The following RNF144A variants were observed in gnomAD, a reference collection of about 807,000 sequenced individuals.
RNF144A encodes the protein ring finger protein 144A.
RNF144A carries 11 observed loss-of-function variants against 38.7 expected under a neutral mutation model. The observed-to-expected ratio is 0.28, with a 90% CI of 0.18 to 0.47. RNF144A has a LOEUF of 0.47. RNF144A is among the 20% of genes least tolerant of loss of function. The pLI, the probability that RNF144A is intolerant of heterozygous loss-of-function variation, is 0.99. For missense variants in RNF144A, 316 were observed against 377.2 expected (o/e 0.84, Z 1.34); for synonymous variants, 149 against 143.9 (o/e 1.04, Z -0.25).
At chr2:7,020,267 T>C (rs1671429318) in intron 5 of RNF144A, among the ~76,000 whole-genome samples, 1 of 152,044 alleles carries the variant, frequency 6.6e-6, no homozygotes, top group Non-Finnish European at 1.5e-5. Context: ...TGGAGGTCTG[T>C]TGCATGAAGG....
intron 1 of RNF144A, among the ~76,000 whole-genome samples, chr2:6,935,980 CT>C (rs1665548351): frequency 6.6e-6 from 1 of 152,218 alleles, no homozygotes; most frequent in Non-Finnish European, 1.5e-5. Flanking sequence ...CCATCAGATG[CT>C]TTGGGAGGTA....
At chr2:6,989,490 C>A (rs1446811266) in intron 2 of RNF144A, among the ~76,000 whole-genome samples, 1 of 152,198 alleles carries the variant, frequency 6.6e-6, no homozygotes, top group Non-Finnish European at 1.5e-5. Flanking sequence ...TCGGCCCATT[C>A]CCGAAATCAT....
intron 8 of RNF144A, 103 bp downstream of exon 8, chr2:7,030,318 T>C (rs1031384442): frequency 1.0e-4 from 88 of 845,440 alleles, no homozygotes; most frequent in Admixed American, 7.8e-5. Flanking sequence ...TGTATATCTT[T>C]AGTGTTTCCA....
chr2:7,044,185 C>G, downstream of RNF144A: 1 of 985,508 alleles, frequency 1.0e-6, no homozygotes, highest in Non-Finnish European at 1.2e-6. Flanking sequence ...GTAAACCCCG[C>G]GTGGCTCCGT....
At chr2:6,965,613 C>T (rs560427259) in intron 2 of RNF144A, among the ~76,000 whole-genome samples, 11 of 152,132 alleles carry the variant, frequency 7.2e-5, no homozygotes, top group Middle Eastern at 3.4e-3. Flanking sequence ...GCTGCAGGCC[C>T]GTGTGGTGGC....
chr2:7,070,688 T>C (rs1572508814), downstream of RNF144A, among the ~76,000 whole-genome samples: 1 of 152,114 alleles, frequency 6.6e-6, no homozygotes. Flanking sequence ...CAGAGGCAAG[T>C]GCTATGTAAA....
In RNF144A at chr2:7,042,970, C is replaced by T. The variant is rs139405638; in HGVS notation, c.*3210C>T. 794 of 617,790 alleles carry T rather than the reference C, an allele frequency of 1.3e-3. 12 individuals are homozygous for T. The African/African-American group carries it at 0.014, about 11-fold the overall frequency. 38.3% of individuals were successfully genotyped at this position (617,790 alleles called of 1,614,324 possible). On this transcript the variant is annotated 3_prime_UTR_variant, in exon 9 of 9. Coordinates refer to ENST00000320892, the MANE Select transcript of RNF144A (RefSeq NM_014746.6). The stretch of plus-strand genomic sequence containing the variant: ...GCAAGCTCTGCCTCCCGGGTTCAAG[C>T]GATTCTCCTGCCTCAGCCTCCCAAG...
intron 2 of RNF144A, among the ~76,000 whole-genome samples, chr2:6,949,151 A>G (rs1666519725): frequency 6.6e-6 from 1 of 152,214 alleles, no homozygotes; most frequent in Admixed American, 6.5e-5. Flanking sequence ...ATTATCACCA[A>G]CACTTCCCAG....
At chr2:7,026,566 T>C (rs3771955) in intron 7 of RNF144A, among the ~76,000 whole-genome samples, 19,766 of 151,980 alleles carry the variant, frequency 0.13, 2,046 homozygotes, top group East Asian at 0.56. Context: ...GCCTGCAATT[T>C]ATTACTCTTT....
At chr2:6,931,981 T>C (rs1665233534) in intron 1 of RNF144A, among the ~76,000 whole-genome samples, 1 of 152,248 alleles carries the variant, frequency 6.6e-6, no homozygotes, top group South Asian at 2.1e-4. Flanking sequence ...ATTTTCTGCC[T>C]GCTGAATTTT....
At chr2:7,050,510 G>A (rs949240887) in intron 6 of RNF144A, among the ~76,000 whole-genome samples, 4 of 152,048 alleles carry the variant, frequency 2.6e-5, no homozygotes, top group African/African-American at 9.7e-5. Context: ...AGTCTCTCGT[G>A]GACACACCTG....
chr2:6,938,304 A>G (rs1406075885), intron 1 of RNF144A, among the ~76,000 whole-genome samples: 2 of 136,596 alleles, frequency 1.5e-5, no homozygotes, highest in Non-Finnish European at 3.1e-5. Flanking sequence ...CTGGAGTGCA[A>G]CAGCGTGATC....
Position 7,043,579 on chromosome 2 carries a change from G to A in RNF144A, c.*3819G>A. The stretch of plus-strand genomic sequence containing the variant: ...TGTTTATTTCTGATAATTAACCTAA[G>A]CCCTTATGAAAATAAACAAAATGAA... On this transcript the variant is annotated 3_prime_UTR_variant, in exon 9 of 9. Coordinates refer to ENST00000320892, the MANE Select transcript of RNF144A (RefSeq NM_014746.6). The A allele has an allele frequency of 4.1e-6, 4 of 985,594 alleles. No homozygotes were observed. The South Asian group carries it at 1.4e-4, about 35-fold the overall frequency. The allele number at this position is 985,594 out of a possible 1,614,324, so 61.1% of individuals were successfully genotyped here.
In RNF144A at chr2:7,039,730, T is replaced by A; in HGVS notation, c.849T>A (p.Ser283Arg). ...TACTTTGCTGCAAGTGCAAGTGCAG[T>A]AAAGGTGACGACGACCCGTTACCCA... ...PFVLCCKCKC[S>R]KGDDDPLPT is the part of the protein sequence containing the mutation. Residue 283 changes from serine (S) to arginine (R), a missense_variant, in exon 9 of 9, where the codon AGT (serine) becomes AGA (arginine). Transcript: ENST00000320892. 6.2e-7 allele frequency: 1 copy of A among 1,613,980 alleles called. No homozygotes were observed. Among genetic ancestry groups the A allele is most frequent in the Non-Finnish European group, 8.5e-7 (1 of 1,179,992 alleles).
At chr2:7,028,895 GCTA>G (rs1247117995) in intron 7 of RNF144A, among the ~76,000 whole-genome samples, 2 of 152,196 alleles carry the variant, frequency 1.3e-5, no homozygotes, top group African/African-American at 4.8e-5. Context: ...AAAGCCTCTT[GCTA>G]CTGCACCTGT....
rs775486392 is a variant in RNF144A, at chr2:7,041,043, C to A, written c.*1283C>A. On this transcript the variant is annotated 3_prime_UTR_variant, in exon 9 of 9. Coordinates refer to ENST00000320892, the MANE Select transcript of RNF144A (RefSeq NM_014746.6). Reference sequence around the variant, plus strand: ...CTTTGAAAAGTGGAGAAAGTGTATTCTTTAAAGAGAATTTACTTCTAAAAG... The same window carrying A: ...CTTTGAAAAGTGGAGAAAGTGTATTATTTAAAGAGAATTTACTTCTAAAAG... 1 of 985,212 alleles carries A rather than the reference C, an allele frequency of 1.0e-6. No individual in the cohort carries two copies. Among genetic ancestry groups the A allele is most frequent in the Non-Finnish European group, 1.2e-6 (1 of 829,870 alleles). 61.0% of individuals were successfully genotyped at this position (985,212 alleles called of 1,614,324 possible).
At chr2:7,027,914 T>C (rs1672020624) in intron 7 of RNF144A, among the ~76,000 whole-genome samples, 1 of 144,660 alleles carries the variant, frequency 6.9e-6, no homozygotes, top group Non-Finnish European at 1.5e-5. Context: ...ATTTTGTACA[T>C]GAAATCTGGC....
At chr2:6,968,014 A>G (rs11674573) in intron 2 of RNF144A, among the ~76,000 whole-genome samples, 248 of 152,212 alleles carry the variant, frequency 1.6e-3, no homozygotes, top group African/African-American at 5.4e-3. Context: ...TGAGTTGTTG[A>G]TATCTATGGA....
rs868560741 is a variant in RNF144A, at chr2:6,974,261, C to T, written c.-11-22655C>T. Among the ~76,000 whole-genome samples, 29 of 152,302 alleles carry T rather than the reference C, an allele frequency of 1.9e-4. 1 individual carries two copies. The highest frequency in any genetic ancestry group is 7.0e-4 in the African/African-American group (29 of 41,560). ...AAGATTATGGCTGCCTTATGACCATCGTGCCACATGCATTCTAGTTTTCAG... is the reference window on the plus strand; with the variant it reads ...AAGATTATGGCTGCCTTATGACCATTGTGCCACATGCATTCTAGTTTTCAG... On this transcript the variant is annotated intron_variant, in intron 2 of 8. Coordinates refer to ENST00000320892, the MANE Select transcript of RNF144A (RefSeq NM_014746.6).
Sources: gnomAD v4.1 joint callset for allele counts (sites outside exome capture counted in the v4.1 genomes callset) on GRCh38, gnomAD v4.1.1 for gene constraint, MANE v1.5 for transcripts, NCBI Gene and HGNC (gene_info 2026-07-23, HGNC 2026-07-21) for gene names.